Variants in KNL1 observed in about 807,000 individuals in gnomAD.
KNL1 encodes the protein kinetochore scaffold 1, also known as outer kinetochore KNL1 complex subunit KNL1.
In KNL1, 66 loss-of-function variants were observed where a neutral mutation model predicts 201.3. That is an observed-to-expected ratio of 0.33 (90% CI 0.27 to 0.40). KNL1 has a LOEUF of 0.40. KNL1 is among the 10% of genes least tolerant of loss of function. The probability of loss-of-function intolerance (pLI) is 1.00; values close to 1 mark genes in which losing one functional copy is unlikely to be tolerated. For missense variants in KNL1, 2,815 were observed against 2,690.5 expected (o/e 1.05, Z -1.02); for synonymous variants, 895 against 899.2 (o/e 1.00, Z 0.08).
Position 40,624,691 on chromosome 15 carries a change from ATAT to A in KNL1, c.4431_4433del (p.Ile1478del), listed in dbSNP as rs763671130. ...TCTAAAGCTGGAAATAAGAGTTTAA[ATAT>A]TATAGAAAATTCCTCTGCACCCATA... On this transcript the variant is annotated inframe_deletion, in exon 10 of 26. Coordinates refer to ENST00000399668, the MANE Select transcript of KNL1 (RefSeq NM_144508.5). 3.7e-5 allele frequency: 60 copies of A among 1,612,464 alleles called. No individual in the cohort carries two copies. In the Middle Eastern group the frequency reaches 6.6e-4, roughly 18 times the overall value.
chr15:40,640,808 T>C (rs1384707146), intron 13 of KNL1, 104 bp from the exon 14 acceptor site: 5 of 727,158 alleles, frequency 6.9e-6, no homozygotes, highest in Non-Finnish European at 9.4e-6. Flanking sequence ...CAAATTTTTC[T>C]TTGTAGAACA....
chr15:40,618,342 T>TTATA (rs1243614977), intron 8 of KNL1, among the ~76,000 whole-genome samples: 15 of 152,122 alleles, frequency 9.9e-5, no homozygotes, highest in Admixed American at 9.8e-4. Flanking sequence ...CTAAAATGCA[T>TTATA]TATATTTTAT....
At chr15:40,638,032 TCAG>T (rs1893109359) in intron 13 of KNL1, among the ~76,000 whole-genome samples, 1 of 151,500 alleles carries the variant, frequency 6.6e-6, no homozygotes, top group African/African-American at 2.4e-5. Context: ...ACAAAAAAAA[TCAG>T]CCGGGCCTGG....
chr15:40,660,025 G>A (rs56851946), intron 25 of KNL1, among the ~76,000 whole-genome samples: 9 of 150,770 alleles, frequency 6.0e-5, no homozygotes, highest in Non-Finnish European at 8.9e-5. Flanking sequence ...ATTCTCCAGC[G>A]TCAGCCTCCT....
intron 10 of KNL1, among the ~76,000 whole-genome samples, chr15:40,626,327 CT>C (rs540280443): frequency 2.1e-3 from 285 of 135,290 alleles, no homozygotes; most frequent in Middle Eastern, 0.011. Context: ...TAATTTCTTT[CT>C]TTTTTTTTTT....
At position 40,622,647 on chromosome 15, in the gene KNL1, A is replaced by G; in HGVS notation, c.2383A>G (p.Thr795Ala). ...TNLEHTTGQL[T>A]TMNRQIAVKV... The stretch of plus-strand genomic sequence containing the variant: ...TTTAGAACACACTACTGGCCAGCTA[A>G]CAACAATGAACAGACAGATAGCTGT... The change falls in exon 10 of 26, where the codon ACA becomes GCA. Residue 795 changes from threonine (T) to alanine (A), a missense_variant. Thr to Ala is a moderately conservative substitution (Grantham distance 58, BLOSUM62 0). Around this residue, in one of 3 missense-constraint regions of KNL1, gnomAD observed 2,464 missense variants for 2,291.7 expected, o/e 1.08. Transcript: ENST00000399668. The G allele has an allele frequency of 6.3e-7, 1 of 1,591,026 alleles. No individual in the cohort carries two copies. Among genetic ancestry groups the G allele is most frequent in the Non-Finnish European group, 8.5e-7 (1 of 1,171,560 alleles).
intron 13 of KNL1, among the ~76,000 whole-genome samples, chr15:40,640,348 C>T (rs1893189849): frequency 6.6e-6 from 1 of 152,052 alleles, no homozygotes; most frequent in Admixed American, 6.6e-5. Flanking sequence ...TGCCTGCCAC[C>T]TCCCAAAGTG....
At chr15:40,650,176 C>A in intron 17 of KNL1, 125 bp from the exon 18 acceptor site, 1 of 622,012 alleles carries the variant, frequency 1.6e-6, no homozygotes, top group Non-Finnish European at 2.7e-6. Context: ...GAACTTCCTA[C>A]TACCAAAGAA....
intron 3 of KNL1, 142 bp downstream of exon 3, chr15:40,605,291 G>A (rs1001691662): frequency 2.3e-5 from 13 of 563,636 alleles, no homozygotes; most frequent in African/African-American, 5.6e-5. Flanking sequence ...AATATTTAAC[G>A]TGGTTATACA....
chr15:40,608,932 A>G, intron 5 of KNL1, 24 bp downstream of exon 5: 1 of 1,522,542 alleles, frequency 6.6e-7, no homozygotes, highest in East Asian at 2.3e-5. Context: ...AGAAATAACT[A>G]AAATATTATA....
chr15:40,661,996 G>C, intron 25 of KNL1, 78 bp from the exon 26 acceptor site: 1 of 758,594 alleles, frequency 1.3e-6, no homozygotes, highest in South Asian at 1.5e-5. Context: ...AGCGGATTGC[G>C]CCACTGCACT....
At chr15:40,594,536 G>C (rs1345706572) in intron 1 of KNL1, 144 bp downstream of exon 1, 1 of 152,356 alleles carries the variant, frequency 6.6e-6, no homozygotes, top group Non-Finnish European at 1.5e-5. Flanking sequence ...AGACGCCCCT[G>C]CCCCGGGCCG....
At chr15:40,647,965 GT>G (rs1893445228) in intron 17 of KNL1, among the ~76,000 whole-genome samples, 1 of 152,084 alleles carries the variant, frequency 6.6e-6, no homozygotes, top group Admixed American at 6.6e-5. Flanking sequence ...CTCTCCCCTA[GT>G]GCTTTCGTGT....
chr15:40,646,060 A>C (rs1486691396), intron 16 of KNL1, among the ~76,000 whole-genome samples: 1 of 152,250 alleles, frequency 6.6e-6, no homozygotes, highest in Non-Finnish European at 1.5e-5. Context: ...GCTAAGGACT[A>C]TACCATAGTA....
intron 16 of KNL1, among the ~76,000 whole-genome samples, chr15:40,646,519 A>G (rs1400583904): frequency 6.6e-6 from 1 of 151,912 alleles, no homozygotes; most frequent in African/African-American, 2.4e-5. Context: ...ATTTACTTTT[A>G]TTTTTTAAGT....
rs1892515205 is a variant in KNL1 at position 40,621,262 on chromosome 15, C to A, written c.998C>A (p.Thr333Lys). The change falls in exon 10 of 26, where the codon ACA (threonine) becomes AAA (lysine). Residue 333 changes from threonine (T) to lysine (K), a missense_variant. Around this residue, in one of 3 missense-constraint regions of KNL1, gnomAD observed 2,464 missense variants for 2,291.7 expected, o/e 1.08. Transcript: ENST00000399668. ...CACACTTTGCAGATCTTACCTGCAA[C>A]AGGTAATTTTTCTGAAATAGAAAAT... ...FNHTLQILPATGNFSEIENQT... is the reference protein window; with the variant it reads ...FNHTLQILPAKGNFSEIENQT... 1 of 1,613,954 alleles carries A rather than the reference C, an allele frequency of 6.2e-7. No homozygotes were observed. The highest frequency in any genetic ancestry group is 8.5e-7 in the Non-Finnish European group (1 of 1,179,928).
Position 40,628,653 on chromosome 15 carries a change from C to A in KNL1, c.5558C>A (p.Thr1853Asn), listed in dbSNP as rs1159036596. 1 of 1,601,160 alleles carries A rather than the reference C, an allele frequency of 6.2e-7. No homozygotes were observed. The highest frequency in any genetic ancestry group is 8.5e-7 in the Non-Finnish European group (1 of 1,172,218). ...ATGGAATCACAGTTTCTCAGAGATA[C>A]TATTTGTGAAGAGAGCTTGAGGGAG... ...SQMESQFLRD[T>N]ICEESLREKL... The change falls in exon 12 of 26, where the codon ACT becomes AAT. Residue 1853 changes from threonine (T) to asparagine (N), a missense_variant. Transcript: ENST00000399668.
At chr15:40,660,230 C>T (rs1204191574) in intron 25 of KNL1, among the ~76,000 whole-genome samples, 1 of 152,068 alleles carries the variant, frequency 6.6e-6, no homozygotes, top group Non-Finnish European at 1.5e-5. Context: ...TCATTGCTAT[C>T]TCCAGTGGAT....
chr15:40,601,859 CTTTTTTTTTT>C (rs36046773), intron 1 of KNL1, among the ~76,000 whole-genome samples: 7 of 64,632 alleles, frequency 1.1e-4, no homozygotes, highest in African/African-American at 3.1e-4. Flanking sequence ...AAAAATGCAT[CTTTTTTTTTT>C]TTTTTTTTTT....
Sources: allele counts gnomAD v4.1 joint callset (sites outside exome capture counted in the v4.1 genomes callset), GRCh38; gene constraint gnomAD v4.1.1; regional missense constraint gnomAD v4.1.1; transcripts MANE v1.5; gene names NCBI Gene and HGNC (gene_info 2026-07-23, HGNC 2026-07-21).